Variants in CWH43 observed in about 807,000 individuals in gnomAD.
The protein encoded by CWH43 is PGAP2-interacting protein.
In CWH43, 91 loss-of-function variants were observed where a neutral mutation model predicts 85.7. The ratio of observed to expected loss-of-function variants is 1.06; its 90% CI spans 0.90 to 1.26. The LOEUF is 1.26. Among genes scored for constraint, CWH43 ranks in the 50% most tolerant of loss-of-function variants. The pLI, the probability that CWH43 is intolerant of heterozygous loss-of-function variation, is 0.00. For missense variants in CWH43, 869 were observed against 839.2 expected (o/e 1.04, Z -0.44); for synonymous variants, 323 against 293.6 (o/e 1.10, Z -1.02).
chr4:49,061,112 C>G (rs1479226007), intron 15 of CWH43, among the ~76,000 whole-genome samples: 1 of 152,116 alleles, frequency 6.6e-6, no homozygotes, highest in African/African-American at 2.4e-5. Context: ...AAAAAGTCTT[C>G]TAAGGAATTC....
intron 2 of CWH43, among the ~76,000 whole-genome samples, chr4:48,990,258 T>C (rs1312956810): frequency 1.3e-5 from 2 of 152,178 alleles, no homozygotes; most frequent in Admixed American, 1.3e-4. Flanking sequence ...TGAGCAGAAG[T>C]AGATTTATAT....
Position 49,016,964 on chromosome 4 carries a change from C to T in CWH43, c.1187-285C>T, listed in dbSNP as rs1315536932. On this transcript the variant is annotated intron_variant, in intron 8 of 15. Coordinates refer to ENST00000226432, the MANE Select transcript of CWH43 (RefSeq NM_025087.3). ...CCCCATTAGTCACTTTGTAGCAGTT[C>T]TGCGCAGGCACAGCAATCTTGGGAT... The T allele has an allele frequency of 3.8e-6, 3 of 783,120 alleles. No homozygotes were observed. In the East Asian group the frequency reaches 7.3e-5, roughly 19 times the overall value. The allele number at this position is 783,120 out of a possible 1,614,324, so 48.5% of individuals were successfully genotyped here.
At chr4:49,012,329 A>G (rs1783392119) in intron 8 of CWH43, among the ~76,000 whole-genome samples, 1 of 152,172 alleles carries the variant, frequency 6.6e-6, no homozygotes, top group African/African-American at 2.4e-5. Context: ...CCATCAGGTC[A>G]TTTAGGGTCT....
intron 8 of CWH43, among the ~76,000 whole-genome samples, chr4:49,011,304 C>CT (rs1181680895): frequency 4.0e-5 from 6 of 150,804 alleles, no homozygotes; most frequent in African/African-American, 7.3e-5. Flanking sequence ...GCAACCCCTG[C>CT]TTTTTTTTTG....
At chr4:49,018,825 G>A (rs1783643017) in intron 9 of CWH43, among the ~76,000 whole-genome samples, 2 of 152,110 alleles carry the variant, frequency 1.3e-5, no homozygotes, top group African/African-American at 4.8e-5. Context: ...TCTCTTCTTG[G>A]TCTTTGTACT....
rs373779670 is a variant in CWH43, at chr4:49,044,394, C to A, written c.1804-392C>A. 7.4e-4 allele frequency among the ~76,000 whole-genome samples: 113 copies of A among 152,254 alleles called. 2 individuals carry two copies. Among genetic ancestry groups the A allele is most frequent in the South Asian group, 1.4e-3 (7 of 4,830 alleles). On this transcript the variant is annotated intron_variant, in intron 13 of 15. Transcript: ENST00000226432. ...GAGGATGGAGACATAGAAACAGATACCTGGCACGATGGCATAACTAGTGTG... is the reference window on the plus strand; with the variant it reads ...GAGGATGGAGACATAGAAACAGATAACTGGCACGATGGCATAACTAGTGTG...
At chr4:49,004,719 CA>C (rs1783100771) in intron 7 of CWH43, among the ~76,000 whole-genome samples, 1 of 152,036 alleles carries the variant, frequency 6.6e-6, no homozygotes, top group African/African-American at 2.4e-5. Flanking sequence ...ATATTTGTAA[CA>C]AAAAATTCAT....
chr4:49,051,216 G>A (rs1258323764), intron 15 of CWH43, among the ~76,000 whole-genome samples: 1 of 152,086 alleles, frequency 6.6e-6, no homozygotes, highest in Non-Finnish European at 1.5e-5. Context: ...CTTATTGGTT[G>A]GTCCTCTTAT....
chr4:48,998,847 T>C (rs1487051814), intron 6 of CWH43, among the ~76,000 whole-genome samples: 2 of 152,166 alleles, frequency 1.3e-5, no homozygotes, highest in African/African-American at 4.8e-5. Flanking sequence ...GGCACATGTG[T>C]TAAGTAGCAG....
chr4:49,048,218 G>A (rs1784687207), intron 14 of CWH43, among the ~76,000 whole-genome samples: 1 of 151,872 alleles, frequency 6.6e-6, no homozygotes, highest in African/African-American at 2.4e-5. Flanking sequence ...ACCCATAATA[G>A]CTCATTGTTG....
intron 9 of CWH43, among the ~76,000 whole-genome samples, chr4:49,027,072 T>C (rs1005024492): frequency 2.6e-5 from 4 of 152,228 alleles, no homozygotes; most frequent in African/African-American, 9.6e-5. Context: ...AAAAATGATA[T>C]ATGTCAATTT....
chr4:49,018,320 C>T (rs1223155889), intron 9 of CWH43, among the ~76,000 whole-genome samples: 1 of 152,198 alleles, frequency 6.6e-6, no homozygotes, highest in Admixed American at 6.6e-5. Context: ...GCCCCAACTC[C>T]AACACTAGAG....
chr4:49,061,264 T>C (rs1785148857), intron 15 of CWH43, among the ~76,000 whole-genome samples: 1 of 152,208 alleles, frequency 6.6e-6, no homozygotes, highest in African/African-American at 2.4e-5. Flanking sequence ...TCCTGTCTCT[T>C]ACATTATAGA....
intron 12 of CWH43, among the ~76,000 whole-genome samples, chr4:49,034,104 G>T (rs1233119204): frequency 6.6e-6 from 1 of 152,056 alleles, no homozygotes; most frequent in Non-Finnish European, 1.5e-5. Context: ...CCAGACTCTT[G>T]CTTACCTCCT....
At chr4:49,023,047 T>C (rs1411777450) in intron 9 of CWH43, among the ~76,000 whole-genome samples, 2 of 152,210 alleles carry the variant, frequency 1.3e-5, no homozygotes, top group Non-Finnish European at 2.9e-5. Context: ...AATTCTGCTC[T>C]GATTTTTATT....
chr4:49,042,237 T>C (rs1784485326), intron 13 of CWH43, among the ~76,000 whole-genome samples: 2 of 152,092 alleles, frequency 1.3e-5, no homozygotes, highest in Non-Finnish European at 2.9e-5. Flanking sequence ...CCCGGGTTCC[T>C]CACCATGGGC....
In CWH43 at chr4:48,986,468, G is replaced by T. The variant is rs1299696593; in HGVS notation, c.39G>T (p.Leu13=). 1.3e-6 allele frequency: 2 copies of T among 1,549,284 alleles called. No homozygotes were observed. Among genetic ancestry groups the T allele is most frequent in the Admixed American group, 2.0e-5 (1 of 51,112 alleles). ...GGAGAGAAATCCTCTTGGAGTCGCT[G>T]CTGGGTAAGCCGAAGCCCCTCGCCG... ...SLWREILLES[L]LGCVSWSLYH... is the part of the protein sequence containing the mutation. The change falls in exon 1 of 16, where the codon CTG becomes CTT. Residue 13 remains leucine (L), a synonymous_variant. Transcript: ENST00000226432.
At chr4:49,055,400 A>G (rs1302095952) in intron 15 of CWH43, among the ~76,000 whole-genome samples, 3 of 152,054 alleles carry the variant, frequency 2.0e-5, no homozygotes, top group Non-Finnish European at 4.4e-5. Flanking sequence ...TGTTGAATTC[A>G]GTTTGCAGGT....
chr4:49,014,474 A>AG (rs1553914374), intron 8 of CWH43, among the ~76,000 whole-genome samples: 9 of 151,864 alleles, frequency 5.9e-5, no homozygotes, highest in African/African-American at 2.2e-4. Context: ...AAAAAAAAAA[A>AG]AGAGAGAAGA....
Sources: allele counts gnomAD v4.1 joint callset (sites outside exome capture counted in the v4.1 genomes callset), GRCh38; gene constraint gnomAD v4.1.1; transcripts MANE v1.5; gene names NCBI Gene and HGNC (gene_info 2026-07-23, HGNC 2026-07-21).